VAC14: variants seen among roughly 807,000 people sequenced by gnomAD.
The protein encoded by VAC14 is VAC14 component of PIKFYVE complex.
In VAC14, 47 loss-of-function variants were observed where a neutral mutation model predicts 85.3. That is an observed-to-expected ratio of 0.55 (90% confidence interval 0.44 to 0.70). The LOEUF (loss-of-function observed/expected upper bound fraction) is 0.70, where lower values mean the gene tolerates loss of function less well. VAC14 is among the 30% of genes least tolerant of loss of function. The probability of loss-of-function intolerance (pLI) is 0.00; values close to 1 mark genes in which losing one functional copy is unlikely to be tolerated. For missense variants in VAC14, 861 were observed against 1,004.3 expected, an observed-to-expected ratio of 0.86 and a Z score of 1.93; for synonymous variants, 447 against 430.5, an observed-to-expected ratio of 1.04 and a Z score of -0.47.
chr16:70,694,601 C>A (rs1230081949), intron 17 of VAC14, among the ~76,000 whole-genome samples: 1 of 152,226 alleles, frequency 6.6e-6, no homozygotes, highest in Admixed American at 6.5e-5. Flanking sequence ...GTCAGAGACG[C>A]TGCCAGAGAG....
chr16:70,694,862 G>A (rs2053674351), intron 17 of VAC14, among the ~76,000 whole-genome samples: 1 of 152,192 alleles, frequency 6.6e-6, no homozygotes, highest in Non-Finnish European at 1.5e-5. Context: ...CATGGCTCTT[G>A]GGCCAACAGG....
At chr16:70,782,568 C>A (rs1271785343) in intron 7 of VAC14, among the ~76,000 whole-genome samples, 3 of 152,264 alleles carry the variant, frequency 2.0e-5, no homozygotes, top group Admixed American at 6.5e-5. Flanking sequence ...CTACAGTTAA[C>A]AGCAGGTACT....
chr16:70,740,663 G>C (rs920734341), intron 13 of VAC14, among the ~76,000 whole-genome samples: 1 of 152,174 alleles, frequency 6.6e-6, no homozygotes, highest in Non-Finnish European at 1.5e-5. Flanking sequence ...GATCCCAGGG[G>C]TGGGAGACAG....
chr16:70,772,022 T>A, intron 10 of VAC14, 87 bp downstream of exon 10: 1 of 1,270,940 alleles, frequency 7.9e-7, no homozygotes, highest in Non-Finnish European at 1.1e-6. Flanking sequence ...AGAATTTGCC[T>A]TGGGTCATTG....
intron 12 of VAC14, among the ~76,000 whole-genome samples, chr16:70,751,718 G>A (rs368871794): frequency 2.2e-4 from 33 of 152,350 alleles, no homozygotes; most frequent in African/African-American, 5.3e-4. Context: ...GGTCCCCTGG[G>A]GGAGCCATGG....
At chr16:70,695,497 G>A (rs369471033) in intron 17 of VAC14, 47 bp downstream of exon 17, 9 of 1,590,740 alleles carry the variant, frequency 5.7e-6, no homozygotes, top group African/African-American at 2.7e-5. Context: ...CCACTCCAGG[G>A]CAGCCTTGGA....
intron 1 of VAC14, 96 bp from the exon 2 acceptor site, chr16:70,786,461 T>C: frequency 6.6e-7 from 1 of 1,509,074 alleles, no homozygotes; most frequent in Non-Finnish European, 9.0e-7. Flanking sequence ...ATGACCTGTT[T>C]GGAAAGAGGA....
chr16:70,799,477 T>C (rs2034678373), intron 1 of VAC14, among the ~76,000 whole-genome samples: 1 of 152,210 alleles, frequency 6.6e-6, no homozygotes, highest in African/African-American at 2.4e-5. Context: ...AGGAGGAAAC[T>C]AAAATCCAAA....
chr16:70,755,346 G>C, intron 12 of VAC14: 1 of 215,124 alleles, frequency 4.6e-6, no homozygotes, highest in South Asian at 5.0e-5. Flanking sequence ...GGTGCATTTA[G>C]AACTGAAGGT....
chr16:70,750,898 T>C (rs1353589415), intron 12 of VAC14, among the ~76,000 whole-genome samples: 1 of 152,110 alleles, frequency 6.6e-6, no homozygotes, highest in African/African-American at 2.4e-5. Flanking sequence ...TGGGAACAGC[T>C]GGGGACTGGA....
In VAC14 at chr16:70,762,824, T is replaced by C. The variant is rs2032509483; in HGVS notation, c.1305+57A>G. 1.2e-6 allele frequency: 2 copies of C among 1,610,910 alleles called. No individual in the cohort carries two copies. The highest frequency in any genetic ancestry group is 1.7e-5 in the Admixed American group (1 of 59,706). On this transcript the variant is annotated intron_variant, in intron 11 of 18. Coordinates refer to ENST00000261776, the MANE Select transcript of VAC14 (RefSeq NM_018052.5). This position sits in a 1 kb window ranked among gnomAD's most constrained non-coding sequence, Gnocchi z 4.1. ...AATGCTACCAACTATGGGCAGGCCC[T>C]GGAAAACCAAGGCGGACCCAGAAGA...
At position 70,692,814 on chromosome 16, in the gene VAC14, C is replaced by T. The variant is rs1260122123; in HGVS notation, c.2186+7G>A. 6.3e-7 allele frequency: 1 copy of T among 1,595,356 alleles called. No homozygotes were observed. On this transcript the variant is annotated splice_region_variant and intron_variant, in intron 18 of 18. Transcript: ENST00000261776. ...GGCGGGGGCAGCAGTCCCCAGCCGG[C>T]ACTCACTCGGTCTGCAGCAGCTCAG... is the stretch of plus-strand genomic sequence containing the variant.
rs1386807092 is a variant in VAC14 at position 70,780,776 on chromosome 16, C to T, written c.1096+14G>A. 24 of 1,576,276 alleles carry T rather than the reference C, an allele frequency of 1.5e-5. No individual in the cohort carries two copies. Among genetic ancestry groups the T allele is most frequent in the Middle Eastern group, 1.7e-4 (1 of 5,916 alleles). ...CCCGACAGGAGGTGAGGTGTAGGGA[C>T]GGAGTCCACTCACCACTGGCTGTGC... On this transcript the variant is annotated intron_variant, in intron 9 of 18. Transcript: ENST00000261776.
chr16:70,749,495 GTC>G (rs747814754), intron 12 of VAC14, among the ~76,000 whole-genome samples: 4 of 152,234 alleles, frequency 2.6e-5, no homozygotes, highest in Non-Finnish European at 4.4e-5. Context: ...CATAGGATTT[GTC>G]TCTGGTCCCC....
chr16:70,690,341 T>C, intron 18 of VAC14: 1 of 985,540 alleles, frequency 1.0e-6, no homozygotes, highest in South Asian at 4.7e-5. Context: ...AGATGGCTGC[T>C]CTCAGGCCCT....
intron 14 of VAC14, 26 bp downstream of exon 14, chr16:70,731,469 G>C (rs2054589054): frequency 6.2e-7 from 1 of 1,606,564 alleles, no homozygotes; most frequent in Non-Finnish European, 8.5e-7. Flanking sequence ...GGGAGGAAGA[G>C]GAGAAAGCGC....
chr16:70,724,649 C>T (rs899488639), intron 14 of VAC14, among the ~76,000 whole-genome samples: 4 of 152,206 alleles, frequency 2.6e-5, no homozygotes, highest in African/African-American at 9.7e-5. Context: ...GCTCCTGCTG[C>T]ACACACTCCT....
chr16:70,703,773 G>C (rs938274617), intron 14 of VAC14, among the ~76,000 whole-genome samples: 9 of 152,158 alleles, frequency 5.9e-5, no homozygotes, highest in Admixed American at 4.6e-4. Context: ...ACCTGCCCTC[G>C]GCCTGCTCTG....
chr16:70,730,813 C>T (rs1340795103), intron 14 of VAC14, among the ~76,000 whole-genome samples: 1 of 152,080 alleles, frequency 6.6e-6, no homozygotes, highest in Non-Finnish European at 1.5e-5. Context: ...ATCTAACCTG[C>T]AGGGCTGAGA....
Sources: gnomAD v4.1 joint callset for allele counts (sites outside exome capture counted in the v4.1 genomes callset) on GRCh38, gnomAD v4.1.1 for gene constraint, Gnocchi (gnomAD v3.1) non-coding constraint, MANE v1.5 for transcripts, NCBI Gene and HGNC (gene_info 2026-07-23, HGNC 2026-07-21) for gene names.